PTPRO: variants seen among roughly 807,000 people sequenced by gnomAD.
PTPRO encodes receptor-type tyrosine-protein phosphatase O.
PTPRO carries 62 observed loss-of-function variants against 145.2 expected under a neutral mutation model. The ratio of observed to expected loss-of-function variants is 0.43; its 90% CI spans 0.35 to 0.53. The LOEUF is 0.53. PTPRO is among the 20% of genes least tolerant of loss of function. The pLI is 0.01. For synonymous variants in PTPRO, 565 were observed against 514.7 expected, an observed-to-expected ratio of 1.10 and a Z score of -1.32; for missense variants, 1,345 against 1,482.7, an observed-to-expected ratio of 0.91 and a Z score of 1.53.
At chr12:15,345,914 T>TC (rs1487537555) in intron 1 of PTPRO, among the ~76,000 whole-genome samples, 1 of 151,946 alleles carries the variant, frequency 6.6e-6, no homozygotes, top group African/African-American at 2.4e-5. Flanking sequence ...CTCAATATCT[T>TC]CCCCCACTCC....
chr12:15,351,582 G>A (rs1486367707), intron 1 of PTPRO, among the ~76,000 whole-genome samples: 1 of 152,176 alleles, frequency 6.6e-6, no homozygotes, highest in African/African-American at 2.4e-5. Context: ...GGCCAGTTTT[G>A]TACCACTTAG....
chr12:15,436,561 G>A (rs1414132014), intron 1 of PTPRO, among the ~76,000 whole-genome samples: 1 of 152,164 alleles, frequency 6.6e-6, no homozygotes, highest in Non-Finnish European at 1.5e-5. Context: ...CCAAGAGAGA[G>A]CACTTTGCTT....
rs76701160 is a variant in PTPRO at position 15,524,756 on chromosome 12, G to A, written c.1892-58G>A. On this transcript the variant is annotated intron_variant, in intron 10 of 26. Transcript: ENST00000281171. ...CTATATGGGATTTCATGCTCTGCTG[G>A]TAAGTACTTTATTTATCCATCTATT... 2.5e-3 allele frequency: 3,834 copies of A among 1,537,200 alleles called. 76 individuals are homozygous for A. In the African/African-American group the frequency reaches 0.047, roughly 19 times the overall value.
At chr12:15,591,349 C>T (rs927003113) in intron 25 of PTPRO, among the ~76,000 whole-genome samples, 10 of 151,434 alleles carry the variant, frequency 6.6e-5, no homozygotes, top group Non-Finnish European at 1.3e-4. Flanking sequence ...CCAGCCTGGG[C>T]GACAGAGTGA....
chr12:15,436,221 A>T (rs1940591435), intron 1 of PTPRO, among the ~76,000 whole-genome samples: 1 of 152,220 alleles, frequency 6.6e-6, no homozygotes, highest in Non-Finnish European at 1.5e-5. Flanking sequence ...AAAGAACTAG[A>T]GAAGCAAGAG....
chr12:15,400,474 A>G (rs1160842384), intron 1 of PTPRO, among the ~76,000 whole-genome samples: 1 of 152,092 alleles, frequency 6.6e-6, no homozygotes, highest in Non-Finnish European at 1.5e-5. Flanking sequence ...GTGGCTCTGC[A>G]TGCCATTCCG....
At chr12:15,526,392 C>T in intron 12 of PTPRO, 130 bp downstream of exon 12, 1 of 1,223,222 alleles carries the variant, frequency 8.2e-7, no homozygotes, top group East Asian at 2.4e-5. Context: ...AGAAAATAGA[C>T]ATTTGTACTA....
intron 2 of PTPRO, among the ~76,000 whole-genome samples, chr12:15,490,198 A>G (rs750302737): frequency 2.6e-5 from 4 of 152,242 alleles, no homozygotes; most frequent in Admixed American, 2.6e-4. Context: ...TCAAGCAAGT[A>G]TTTGGGGTAG....
chr12:15,539,761 CAAAAAAAAAAAAAAA>C (rs56061735), intron 12 of PTPRO, among the ~76,000 whole-genome samples: 20 of 52,488 alleles, frequency 3.8e-4, no homozygotes, highest in East Asian at 1.5e-3. Context: ...GACTCTGTCT[CAAAAAAAAAAAAAAA>C]AAAAAAAAAA....
intron 1 of PTPRO, among the ~76,000 whole-genome samples, chr12:15,386,347 A>C (rs1475435134): frequency 2.6e-5 from 4 of 152,222 alleles, no homozygotes; most frequent in Non-Finnish European, 5.9e-5. Flanking sequence ...GAAAAAGAAC[A>C]AAAAATAACT....
At chr12:15,521,726 A>C (rs1237282880) in intron 10 of PTPRO, among the ~76,000 whole-genome samples, 4 of 152,214 alleles carry the variant, frequency 2.6e-5, no homozygotes, top group African/African-American at 7.2e-5. Context: ...AGCAAAACTT[A>C]ATATATTGAA....
rs576699206 is a variant in PTPRO, at chr12:15,488,542, A to G, written c.349+4295A>G. The stretch of plus-strand genomic sequence containing the variant: ...AGCTTTTTAAACAAGTTTGGAAAAC[A>G]TTTGTAGTATCTGCTCACAGAGTTG... On this transcript the variant is annotated intron_variant, in intron 2 of 26. Coordinates refer to ENST00000281171, the MANE Select transcript of PTPRO (RefSeq NM_030667.3). 2.0e-5 allele frequency among the ~76,000 whole-genome samples: 3 copies of G among 152,318 alleles called. No homozygotes were observed. The East Asian group carries it at 5.8e-4, about 29-fold the overall frequency.
At chr12:15,546,407 G>A in intron 12 of PTPRO, 162 bp from the exon 13 acceptor site, 9 of 1,445,100 alleles carry the variant, frequency 6.2e-6, no homozygotes, top group East Asian at 2.5e-5. Flanking sequence ...AAGTTAGATA[G>A]CTATCTTTAT....
At chr12:15,362,080 T>C (rs1404948511) in intron 1 of PTPRO, among the ~76,000 whole-genome samples, 1 of 152,184 alleles carries the variant, frequency 6.6e-6, no homozygotes, top group Non-Finnish European at 1.5e-5. Flanking sequence ...CATTCTCATA[T>C]CAAACTCCTC....
chr12:15,523,004 G>T lies in PTPRO; in HGVS notation c.1892-1810G>T, dbSNP rs150734859. ...ATTAGGAGGCTATAAGGAAGCCAAG[G>T]TTATTTTCCTTTAGTAGAATATTCT... is the stretch of plus-strand genomic sequence containing the variant. On this transcript the variant is annotated intron_variant, in intron 10 of 26. Transcript: ENST00000281171. Among the ~76,000 whole-genome samples the T allele has an allele frequency of 7.4e-3, 1,122 of 152,260 alleles. 59 individuals carry two copies. The highest frequency in any genetic ancestry group is 0.067 in the Admixed American group (1,018 of 15,298).
intron 10 of PTPRO, among the ~76,000 whole-genome samples, chr12:15,520,980 C>T (rs1432766695): frequency 6.6e-6 from 1 of 152,020 alleles, no homozygotes; most frequent in African/African-American, 2.4e-5. Context: ...GTCTTAGATC[C>T]TCGGAAACCT....
intron 1 of PTPRO, among the ~76,000 whole-genome samples, chr12:15,328,329 C>T (rs1866506103): frequency 6.6e-6 from 1 of 152,102 alleles, no homozygotes; most frequent in Non-Finnish European, 1.5e-5. Flanking sequence ...AAAGCGTTCG[C>T]AAGTCTTTCA....
At chr12:15,410,769 A>T (rs561620530) in intron 1 of PTPRO, 1 of 152,314 alleles carries the variant, frequency 6.6e-6, no homozygotes, top group East Asian at 1.9e-4. Context: ...ATAGCTTAGG[A>T]TGAGGAAACC....
At position 15,508,444 on chromosome 12, in the gene PTPRO, C is replaced by T. The variant is rs540966276; in HGVS notation, c.1268-127C>T. On this transcript the variant is annotated intron_variant, in intron 6 of 26. Transcript: ENST00000281171. ...CAGAGGACCTGAAGAGTTGCCAGTC[C>T]GACCGCCAATCTTTCTTTGAATCTC... The T allele has an allele frequency of 3.1e-5, 32 of 1,016,938 alleles. No individual in the cohort carries two copies. The East Asian group carries it at 4.4e-4, about 14-fold the overall frequency. The allele number at this position is 1,016,938 out of a possible 1,614,324, so 63.0% of individuals were successfully genotyped here. A position where few individuals can be genotyped will look rare whatever the true frequency, so the allele number is the denominator to read the frequency against.
Sources: allele counts gnomAD v4.1 joint callset (sites outside exome capture counted in the v4.1 genomes callset), GRCh38; gene constraint gnomAD v4.1.1; transcripts MANE v1.5; gene names NCBI Gene and HGNC (gene_info 2026-07-23, HGNC 2026-07-21).